ZNF606: variants seen among roughly 807,000 people sequenced by gnomAD.
ZNF606 encodes the protein zinc finger protein 606.
In ZNF606, 37 loss-of-function variants were observed where a neutral mutation model predicts 74.9. The ratio of observed to expected loss-of-function variants is 0.49; its 90% confidence interval spans 0.38 to 0.65. The LOEUF (loss-of-function observed/expected upper bound fraction) is 0.65. Among genes scored for constraint, ZNF606 ranks in the 30% least tolerant of loss-of-function variants. The pLI is 0.00. For synonymous variants in ZNF606, 328 were observed against 312.4 expected, an observed-to-expected ratio of 1.05 and a Z score of -0.53; for missense variants, 852 against 952.9, an observed-to-expected ratio of 0.89 and a Z score of 1.39.
At chr19:57,980,926 G>C (rs963737453) in intron 6 of ZNF606, among the ~76,000 whole-genome samples, 1 of 151,950 alleles carries the variant, frequency 6.6e-6, no homozygotes, top group Non-Finnish European at 1.5e-5. Flanking sequence ...TTCCTAACTG[G>C]CCCTTAGCCA....
In ZNF606 at chr19:57,977,372, G is replaced by A. The variant is rs548979114; in HGVS notation, c.*929C>T. On this transcript the variant is annotated 3_prime_UTR_variant, in exon 7 of 7. Transcript: ENST00000551380. Reference sequence around the variant, plus strand: ...TTAAAAGAAAGCCCAGCACATAAGTGTTATATGTATTTGTAAAACTTTTTA... The same window carrying A: ...TTAAAAGAAAGCCCAGCACATAAGTATTATATGTATTTGTAAAACTTTTTA... The A allele has an allele frequency of 1.3e-5, 2 of 152,266 alleles. No individual in the cohort carries two copies. The highest frequency in any genetic ancestry group is 4.8e-5 in the African/African-American group (2 of 41,560). The allele number at this position is 152,266 out of a possible 1,614,324, so 9.4% of individuals were successfully genotyped here.
intron 6 of ZNF606, 21 bp from the exon 7 acceptor site, chr19:57,980,300 G>A: frequency 1.9e-6 from 3 of 1,577,592 alleles, no homozygotes; most frequent in African/African-American, 2.7e-5. Flanking sequence ...CAGAAAAAAA[G>A]CTATGAGAGC....
chr19:57,985,744 C>T (rs1018831955), intron 6 of ZNF606, among the ~76,000 whole-genome samples: 5 of 151,196 alleles, frequency 3.3e-5, no homozygotes, highest in South Asian at 2.1e-4. Flanking sequence ...CTGGCTAACA[C>T]GGTGAAACCT....
In ZNF606 at chr19:58,001,325, G is replaced by A. The variant is rs1215705134; in HGVS notation, c.-6C>T. On this transcript the variant is annotated 5_prime_UTR_variant, in exon 2 of 7. Transcript: ENST00000551380. ...CACGGGTTGATGGCTGCCATCCCGAGGACTGATTGACCAGGCACCTGCCCA... is the reference window on the plus strand; with the variant it reads ...CACGGGTTGATGGCTGCCATCCCGAAGACTGATTGACCAGGCACCTGCCCA... The A allele has an allele frequency of 6.2e-7, 1 of 1,614,074 alleles. No individual in the cohort carries two copies. The highest frequency in any genetic ancestry group is 8.5e-7 in the Non-Finnish European group (1 of 1,180,030).
chr19:57,999,662 C>G (rs748710745), intron 4 of ZNF606, 146 bp downstream of exon 4: 15 of 777,466 alleles, frequency 1.9e-5, no homozygotes, highest in Non-Finnish European at 3.2e-5. Flanking sequence ...CCTAATTCTC[C>G]CTACCTGCTC....
Position 57,978,526 on chromosome 19 carries a change from A to C in ZNF606, c.2154T>G (p.Asn718Lys), listed in dbSNP as rs1416485608. ...YRCNECGKAF[N>K]ESSSLIVHLR... ...GGTGTACAATAAGGGATGAACTCTC[A>C]TTAAATGCTTTCCCACATTCATTAC... Residue 718 changes from asparagine to lysine, a missense_variant, in exon 7 of 7, where the codon AAT (asparagine) becomes AAG (lysine). This residue lies in a region of ZNF606 where 243 missense variants were observed against 359.2 expected (regional missense o/e 0.68). Coordinates refer to ENST00000551380, the MANE Select transcript of ZNF606 (RefSeq NM_001348022.3). This position sits in a 1 kb window ranked among gnomAD's most constrained non-coding sequence, Gnocchi z 4.4. 1 of 1,614,154 alleles carries C rather than the reference A, an allele frequency of 6.2e-7. No individual in the cohort carries two copies.
intron 4 of ZNF606, among the ~76,000 whole-genome samples, chr19:57,995,189 CA>C (rs766350560): frequency 0.043 from 2,153 of 49,546 alleles, 32 homozygotes; most frequent in African/African-American, 0.11. Flanking sequence ...GACTCTGACT[CA>C]AAAAAAAAAA....
At chr19:57,989,913 G>A (rs1297470701) in intron 4 of ZNF606, among the ~76,000 whole-genome samples, 3 of 151,202 alleles carry the variant, frequency 2.0e-5, no homozygotes, top group African/African-American at 7.3e-5. Context: ...TTAGCTCAGC[G>A]CAGTGGCACA....
rs558543063 is a variant in ZNF606 at position 57,979,809 on chromosome 19, A to G, written c.871T>C (p.Cys291Arg). ...TTGAAAGATTTAACAGCATCAGTACATTTGAAAAGATTATCTCCAGTTTGT... is the reference window on the plus strand; with the variant it reads ...TTGAAAGATTTAACAGCATCAGTACGTTTGAAAAGATTATCTCCAGTTTGT... Reference protein sequence around the residue: ...RIQTGDNLFKCTDAVKSFNHI... With the variant: ...RIQTGDNLFKRTDAVKSFNHI... Residue 291 changes from cysteine (C) to arginine (R), a missense_variant, in exon 7 of 7, where the codon TGT becomes CGT. Around this residue, in one of 3 missense-constraint regions of ZNF606, gnomAD observed 545 missense variants for 542.5 expected, o/e 1.00. Transcript: ENST00000551380. 2.5e-6 allele frequency: 4 copies of G among 1,613,304 alleles called. No individual in the cohort carries two copies. In the East Asian group the frequency reaches 8.9e-5, roughly 36 times the overall value.
chr19:57,987,254 T>C (rs2073177699), intron 6 of ZNF606, among the ~76,000 whole-genome samples: 1 of 152,006 alleles, frequency 6.6e-6, no homozygotes, highest in Non-Finnish European at 1.5e-5. Context: ...TTATTTTTGG[T>C]GGTGTTTTTC....
chr19:57,986,662 A>G (rs2073167979), intron 6 of ZNF606, among the ~76,000 whole-genome samples: 2 of 152,314 alleles, frequency 1.3e-5, no homozygotes, highest in South Asian at 4.1e-4. Flanking sequence ...TCATGAACAC[A>G]CAATGTATAA....
intron 6 of ZNF606, among the ~76,000 whole-genome samples, chr19:57,982,484 T>C (rs148500087): frequency 1.3e-5 from 2 of 152,312 alleles, no homozygotes; most frequent in Non-Finnish European, 2.9e-5. Flanking sequence ...GAGATTAGGA[T>C]GCAGATATCT....
At chr19:57,999,210 C>G (rs2073380230) in intron 4 of ZNF606, 1 of 152,890 alleles carries the variant, frequency 6.5e-6, no homozygotes, top group South Asian at 2.1e-4. Context: ...ACCTCTTGGC[C>G]CAGGTCTACG....
At chr19:57,993,416 C>A (rs2123321033) in intron 4 of ZNF606, among the ~76,000 whole-genome samples, 1 of 152,194 alleles carries the variant, frequency 6.6e-6, no homozygotes, top group Non-Finnish European at 1.5e-5. Flanking sequence ...ACCTTGAATT[C>A]CACTTATTCC....
At chr19:58,000,017 C>T (rs1452586153) in intron 3 of ZNF606, 121 bp from the exon 4 acceptor site, 6 of 786,350 alleles carry the variant, frequency 7.6e-6, no homozygotes, top group Non-Finnish European at 1.2e-5. Context: ...GACCCACTTC[C>T]TCATTCTATA....
intron 6 of ZNF606, among the ~76,000 whole-genome samples, chr19:57,980,626 G>A (rs2073072208): frequency 6.6e-6 from 1 of 152,084 alleles, no homozygotes; most frequent in South Asian, 2.1e-4. Context: ...ATGAGGTCAG[G>A]AGATCAAGAC....
At chr19:57,991,844 T>C (rs1480845185) in intron 4 of ZNF606, among the ~76,000 whole-genome samples, 1 of 152,104 alleles carries the variant, frequency 6.6e-6, no homozygotes, top group Admixed American at 6.5e-5. Context: ...ACAAAACCTA[T>C]GCTTGATGCA....
intron 4 of ZNF606, 27 bp downstream of exon 4, chr19:57,999,781 T>C (rs1215879890): frequency 6.2e-7 from 1 of 1,609,320 alleles, no homozygotes; most frequent in African/African-American, 1.3e-5. Context: ...GACATCATCC[T>C]CTGGGAACAG....
rs2073018975 is a variant in ZNF606, at chr19:57,978,249, G to A, written c.*52C>T. 8 of 1,498,834 alleles carry A rather than the reference G, an allele frequency of 5.3e-6. No individual in the cohort carries two copies. Among genetic ancestry groups the A allele is most frequent in the Non-Finnish European group, 7.1e-6 (8 of 1,121,336 alleles). The allele number at this position is 1,498,834 out of a possible 1,614,324, so 92.8% of individuals were successfully genotyped here. A position where few individuals can be genotyped will look rare whatever the true frequency, so the allele number is the denominator to read the frequency against. On this transcript the variant is annotated 3_prime_UTR_variant, in exon 7 of 7. Transcript: ENST00000551380. This position sits in a 1 kb window ranked among gnomAD's most constrained non-coding sequence, Gnocchi z 4.4. The stretch of plus-strand genomic sequence containing the variant: ...GTCCCCTCTTGATTATGTTTATAGG[G>A]TTTTCCTCAATGTGTTGTCAAATGT...
Sources: gnomAD v4.1 joint callset for allele counts (sites outside exome capture counted in the v4.1 genomes callset) on GRCh38, gnomAD v4.1.1 for gene constraint, gnomAD v4.1.1 regional missense constraint, Gnocchi (gnomAD v3.1) non-coding constraint, MANE v1.5 for transcripts, NCBI Gene and HGNC (gene_info 2026-07-23, HGNC 2026-07-21) for gene names.